RBMS3: variants seen among roughly 807,000 people sequenced by gnomAD.
RBMS3 encodes the protein RNA binding motif single stranded interacting protein 3, also known as RNA-binding motif, single-stranded-interacting protein 3.
In RBMS3, 27 loss-of-function variants were observed where a neutral mutation model predicts 66.8. The observed-to-expected ratio is 0.40, with a 90% confidence interval of 0.30 to 0.56. The LOEUF (loss-of-function observed/expected upper bound fraction) is 0.56. Ranked by LOEUF, RBMS3 falls within the 20% of genes least tolerant of loss-of-function variation. The pLI, the probability that RBMS3 is intolerant of heterozygous loss-of-function variation, is 0.40. For missense variants in RBMS3, 513 were observed against 549.5 expected (o/e 0.93, Z 0.66); for synonymous variants, 188 against 183.0 (o/e 1.03, Z -0.22).
intron 6 of RBMS3, among the ~76,000 whole-genome samples, chr3:29,781,372 A>G (rs757615903): frequency 5.3e-5 from 8 of 152,138 alleles, no homozygotes; most frequent in Non-Finnish European, 1.0e-4. Flanking sequence ...GGTTATATGT[A>G]TCATTAGTTT....
chr3:29,690,039 A>G (rs2051910700), intron 4 of RBMS3, among the ~76,000 whole-genome samples: 1 of 149,370 alleles, frequency 6.7e-6, no homozygotes, highest in African/African-American at 2.4e-5. Context: ...TGCTGAAGGT[A>G]TTGATTTTCT....
chr3:29,587,542 T>A (rs2047577223), intron 4 of RBMS3, among the ~76,000 whole-genome samples: 1 of 151,622 alleles, frequency 6.6e-6, no homozygotes, highest in Non-Finnish European at 1.5e-5. Flanking sequence ...TCTGTTCTGC[T>A]TGAGAAAGAT....
intron 1 of RBMS3, among the ~76,000 whole-genome samples, chr3:29,359,296 T>C (rs552339772): frequency 1.1e-4 from 17 of 152,230 alleles, no homozygotes; most frequent in Non-Finnish European, 2.2e-4. Context: ...CTGCATCTGC[T>C]GAGACAATCA....
chr3:29,614,271 A>G (rs2048584719), intron 4 of RBMS3: 2 of 152,184 alleles, frequency 1.3e-5, no homozygotes, highest in Non-Finnish European at 2.9e-5. Context: ...CAGAAAAAGC[A>G]TAAGAGCAGA....
intron 6 of RBMS3, among the ~76,000 whole-genome samples, chr3:29,831,878 A>T (rs1041842596): frequency 1.6e-5 from 2 of 124,120 alleles, no homozygotes; most frequent in African/African-American, 5.8e-5. Context: ...AAATAAAAAA[A>T]AATAACATGG....
chr3:29,395,604 A>T (rs1449899279), intron 1 of RBMS3, among the ~76,000 whole-genome samples: 1 of 152,196 alleles, frequency 6.6e-6, no homozygotes, highest in Non-Finnish European at 1.5e-5. Context: ...ATCTTTATAA[A>T]ATGTTCCACT....
chr3:29,453,995 T>C lies in RBMS3; in HGVS notation c.248+19080T>C, dbSNP rs373738783. 3.3e-5 allele frequency among the ~76,000 whole-genome samples: 5 copies of C among 152,304 alleles called. No individual in the cohort carries two copies. The East Asian group carries it at 9.7e-4, about 29-fold the overall frequency. ...GAGCCACAACCAGTGACTGTAATGA[T>C]AGTAGCAATAGGTGATCACAGTCTT... On this transcript the variant is annotated intron_variant, in intron 2 of 14. Transcript: ENST00000383767.
At chr3:29,499,031 A>G (rs2043866445) in intron 3 of RBMS3, among the ~76,000 whole-genome samples, 1 of 152,150 alleles carries the variant, frequency 6.6e-6, no homozygotes, top group South Asian at 2.1e-4. Flanking sequence ...GTTTGAGATA[A>G]AGCAAATTCC....
chr3:29,419,400 T>C (rs1209335931), intron 1 of RBMS3, among the ~76,000 whole-genome samples: 1 of 152,186 alleles, frequency 6.6e-6, no homozygotes, highest in East Asian at 1.9e-4. Context: ...TGAATTCTAA[T>C]TATCTGTTCT....
intron 10 of RBMS3, among the ~76,000 whole-genome samples, chr3:29,929,865 G>A (rs181321451): frequency 8.6e-5 from 13 of 151,868 alleles, no homozygotes; most frequent in South Asian, 2.1e-4. Context: ...TCCAAGCATA[G>A]GAAAGAGAAA....
At chr3:29,489,522 T>C (rs1046739592) in intron 3 of RBMS3, among the ~76,000 whole-genome samples, 10 of 151,878 alleles carry the variant, frequency 6.6e-5, no homozygotes, top group Non-Finnish European at 1.0e-4. Context: ...CTAATTCTAA[T>C]ATCCTTATTA....
intron 12 of RBMS3, among the ~76,000 whole-genome samples, chr3:29,950,109 G>C (rs1473320933): frequency 6.6e-6 from 1 of 151,786 alleles, no homozygotes; most frequent in Non-Finnish European, 1.5e-5. Context: ...CCGATTATAA[G>C]GGAAAGCTTT....
intron 2 of RBMS3, among the ~76,000 whole-genome samples, chr3:29,487,592 A>T (rs867747243): frequency 6.6e-6 from 1 of 152,132 alleles, no homozygotes; most frequent in Non-Finnish European, 1.5e-5. Flanking sequence ...TATAGCTGAT[A>T]GCAGGGAGAG....
At chr3:29,700,429 G>A (rs2052510071) in intron 4 of RBMS3, among the ~76,000 whole-genome samples, 1 of 152,080 alleles carries the variant, frequency 6.6e-6, no homozygotes, top group African/African-American at 2.4e-5. Context: ...GAATTTTCCT[G>A]GAATACATCT....
In RBMS3 at chr3:29,352,329, T is replaced by TC. The variant is rs548993966; in HGVS notation, c.75+70578dup. On this transcript the variant is annotated intron_variant, in intron 1 of 14. Transcript: ENST00000383767. The stretch of plus-strand genomic sequence containing the variant: ...ATTTTGGCTTCTTTATACATTCAGG[T>TC]CCCCCTTTTATAGTGCATGATATAT... Among the ~76,000 whole-genome samples the TC allele has an allele frequency of 8.3e-4, 127 of 152,120 alleles. 1 individual carries two copies. Among genetic ancestry groups the TC allele is most frequent in the Non-Finnish European group, 1.2e-3 (83 of 67,892 alleles).
chr3:29,902,614 T>C (rs972640031), intron 10 of RBMS3, among the ~76,000 whole-genome samples: 1 of 151,904 alleles, frequency 6.6e-6, no homozygotes, highest in African/African-American at 2.4e-5. Context: ...TACAAATAAA[T>C]TCAAGGTGTC....
chr3:29,505,832 G>A lies in RBMS3; in HGVS notation c.307+17333G>A, dbSNP rs1170860126. On this transcript the variant is annotated intron_variant, in intron 3 of 14. Transcript: ENST00000383767. Reference sequence around the variant, plus strand: ...TTAATTTTAAGTATTTGATATTTTTGTAGTGATGGTAAATGGGATTTTAAA... The same window carrying A: ...TTAATTTTAAGTATTTGATATTTTTATAGTGATGGTAAATGGGATTTTAAA... 2.0e-5 allele frequency among the ~76,000 whole-genome samples: 3 copies of A among 151,284 alleles called. No homozygotes were observed. In the East Asian group the frequency reaches 5.8e-4, roughly 29 times the overall value.
At chr3:29,496,492 G>C (rs1490318066) in intron 3 of RBMS3, among the ~76,000 whole-genome samples, 1 of 152,110 alleles carries the variant, frequency 6.6e-6, no homozygotes, top group Non-Finnish European at 1.5e-5. Context: ...TGTCCTGTAG[G>C]TACATTTTAC....
chr3:29,756,585 G>T (rs760402726), intron 5 of RBMS3, among the ~76,000 whole-genome samples: 4 of 151,990 alleles, frequency 2.6e-5, no homozygotes, highest in Non-Finnish European at 4.4e-5. Flanking sequence ...CCACCCCCAT[G>T]ATTCGATTAC....
Sources: allele counts gnomAD v4.1 joint callset (sites outside exome capture counted in the v4.1 genomes callset), GRCh38; gene constraint gnomAD v4.1.1; transcripts MANE v1.5; gene names NCBI Gene and HGNC (gene_info 2026-07-23, HGNC 2026-07-21).